The following PCDH7 variants were observed in gnomAD, a reference collection of about 807,000 sequenced individuals.
The protein encoded by PCDH7 is protocadherin 7, also known as protocadherin-7.
A neutral mutation model predicts 58.9 loss-of-function variants in PCDH7; 17 were observed. That is an observed-to-expected ratio of 0.29 (90% CI 0.20 to 0.43). The LOEUF (loss-of-function observed/expected upper bound fraction) is 0.43, where lower values mean the gene tolerates loss of function less well. PCDH7 is among the 20% of genes least tolerant of loss of function. The pLI, the probability that PCDH7 is intolerant of heterozygous loss-of-function variation, is 1.00. For missense variants in PCDH7, 1,274 were observed against 1,441.0 expected (o/e 0.88, Z 1.88); for synonymous variants, 664 against 616.4 (o/e 1.08, Z -1.14).
At chr4:30,868,423 C>T (rs2109359947) in intron 1 of PCDH7, among the ~76,000 whole-genome samples, 1 of 152,202 alleles carries the variant, frequency 6.6e-6, no homozygotes, top group Non-Finnish European at 1.5e-5. Context: ...ATTGTCTCTG[C>T]CTTTTCCTGA....
chr4:30,981,757 T>C (rs1301627271), intron 3 of PCDH7, among the ~76,000 whole-genome samples: 2 of 152,224 alleles, frequency 1.3e-5, no homozygotes, highest in Non-Finnish European at 1.5e-5. Flanking sequence ...CCAGTGTCGA[T>C]CTGATATGAA....
rs551104413 is a variant in PCDH7, at chr4:30,940,457, A to AT, written c.288-9658dup. Among the ~76,000 whole-genome samples, 68 of 152,180 alleles carry AT rather than the reference A, an allele frequency of 4.5e-4. No homozygotes were observed. The South Asian group carries it at 8.9e-3, about 20-fold the overall frequency. On this transcript the variant is annotated intron_variant, in intron 2 of 3. Coordinates refer to the PCDH7 transcript ENST00000509759. ...GCCACTTAATATTTTATATAATTAT[A>AT]TTTTTGCAAACCAAAATAATACACT...
At chr4:30,736,537 T>TA (rs1181928109), downstream of PCDH7, among the ~76,000 whole-genome samples, 10 of 94,004 alleles carry the variant, frequency 1.1e-4, no homozygotes, top group South Asian at 2.3e-3. Context: ...TTTCATTTAT[T>TA]TTTTTTTTTT....
chr4:31,009,927 G>T (rs530426807), intron 3 of PCDH7, among the ~76,000 whole-genome samples: 1 of 152,082 alleles, frequency 6.6e-6, no homozygotes, highest in Non-Finnish European at 1.5e-5. Context: ...AGGGCCAAAG[G>T]TGAATATTTT....
chr4:31,134,003 G>T (rs1719288064), intron 3 of PCDH7, among the ~76,000 whole-genome samples: 1 of 152,154 alleles, frequency 6.6e-6, no homozygotes, highest in Admixed American at 6.5e-5. Flanking sequence ...GTATAACACA[G>T]TGAAATCCTG....
At chr4:30,954,872 G>A (rs1747691662) in intron 3 of PCDH7, among the ~76,000 whole-genome samples, 2 of 152,126 alleles carry the variant, frequency 1.3e-5, no homozygotes, top group Non-Finnish European at 2.9e-5. Context: ...TTCCTCAGCT[G>A]CAAAATAAGG....
chr4:30,801,367 A>G (rs1428851473), intron 1 of PCDH7, among the ~76,000 whole-genome samples: 1 of 152,204 alleles, frequency 6.6e-6, no homozygotes, highest in African/African-American at 2.4e-5. Context: ...TATAGAGAGT[A>G]AAAACAGAAG....
At chr4:30,729,644 A>T (rs896452641) in intron 1 of PCDH7, among the ~76,000 whole-genome samples, 7 of 152,116 alleles carry the variant, frequency 4.6e-5, no homozygotes, top group Non-Finnish European at 8.8e-5. Flanking sequence ...CACATTATGT[A>T]TGAAACTTTT....
downstream of PCDH7, among the ~76,000 whole-genome samples, chr4:30,736,700 T>A (rs963879801): frequency 1.3e-5 from 2 of 151,878 alleles, no homozygotes; most frequent in African/African-American, 4.8e-5. Flanking sequence ...TGCTCCCGGC[T>A]AATTTTTTTG....
chr4:31,098,136 G>C (rs530282661), intron 3 of PCDH7, among the ~76,000 whole-genome samples: 1 of 152,296 alleles, frequency 6.6e-6, no homozygotes, highest in South Asian at 2.1e-4. Flanking sequence ...ATAAGTTTCA[G>C]TAGCTACTGC....
chr4:31,079,309 GATATATATATATATATATATATAT>G (rs149501069), intron 3 of PCDH7, among the ~76,000 whole-genome samples: 1,915 of 67,452 alleles, frequency 0.028, 62 homozygotes, highest in Non-Finnish European at 0.037. Flanking sequence ...AATACTGGAA[GATATATATATATATATATATATAT>G]ATATATATAT....
Position 30,905,498 on chromosome 4 carries a change from C to T in PCDH7, c.71-14655C>T, listed in dbSNP as rs569249676. Among the ~76,000 whole-genome samples the T allele has an allele frequency of 7.9e-5, 12 of 151,468 alleles. No individual in the cohort carries two copies. The East Asian group carries it at 2.1e-3, about 27-fold the overall frequency. ...AAAAAAACCACAAAAATAAAAGAAA[C>T]CTTTGCTTGTATTCTGTGAATGCTT... On this transcript the variant is annotated intron_variant, in intron 1 of 3. Transcript: ENST00000509759.
At chr4:30,853,333 G>A (rs903351280) in intron 1 of PCDH7, among the ~76,000 whole-genome samples, 7 of 151,982 alleles carry the variant, frequency 4.6e-5, no homozygotes, top group South Asian at 2.1e-4. Flanking sequence ...GAGAGTGTGC[G>A]GTGAGTATTA....
intron 1 of PCDH7, among the ~76,000 whole-genome samples, chr4:30,837,119 C>A (rs1385167285): frequency 6.6e-6 from 1 of 151,592 alleles, no homozygotes; most frequent in African/African-American, 2.4e-5. Flanking sequence ...TTTTTTTTTA[C>A]ATTGAATCAA....
chr4:30,807,187 C>A (rs75797537), intron 1 of PCDH7, among the ~76,000 whole-genome samples: 1 of 152,144 alleles, frequency 6.6e-6, no homozygotes, highest in African/African-American at 2.4e-5. Context: ...ATAACCTGAA[C>A]ATTGTGCTTA....
chr4:31,019,330 T>C (rs1270589545), intron 3 of PCDH7, among the ~76,000 whole-genome samples: 1 of 152,212 alleles, frequency 6.6e-6, no homozygotes, highest in Non-Finnish European at 1.5e-5. Flanking sequence ...ATTTCATTTA[T>C]TTAGTAAAAA....
intron 2 of PCDH7, among the ~76,000 whole-genome samples, chr4:30,928,103 G>A (rs976886705): frequency 1.3e-5 from 2 of 152,070 alleles, no homozygotes; most frequent in African/African-American, 2.4e-5. Flanking sequence ...ATCCTACTAA[G>A]TAACTGGGAT....
chr4:30,898,858 T>C (rs6839018), intron 1 of PCDH7, among the ~76,000 whole-genome samples: 19,435 of 152,212 alleles, frequency 0.13, 1,374 homozygotes, highest in African/African-American at 0.18. Flanking sequence ...CCCAAAGTGC[T>C]GGGATTACAG....
intron 2 of PCDH7, 37 bp downstream of exon 2, chr4:30,920,406 C>G (rs1257087025): frequency 3.8e-6 from 5 of 1,323,364 alleles, no homozygotes; most frequent in Non-Finnish European, 5.1e-6. Context: ...CATAATCACG[C>G]TAGTGAGCCG....
Sources: allele counts gnomAD v4.1 joint callset (sites outside exome capture counted in the v4.1 genomes callset), GRCh38; gene constraint gnomAD v4.1.1; transcripts MANE v1.5; gene names NCBI Gene and HGNC (gene_info 2026-07-23, HGNC 2026-07-21).